The following XIRP2 variants were observed in gnomAD, a reference collection of about 807,000 sequenced individuals.
XIRP2 encodes the protein xin actin binding repeat containing 2.
In XIRP2, 236 loss-of-function variants were observed where a neutral mutation model predicts 277.0. The observed-to-expected ratio is 0.85, with a 90% CI of 0.77 to 0.95. The LOEUF (loss-of-function observed/expected upper bound fraction) is 0.95, where lower values mean the gene tolerates loss of function less well. XIRP2 is among the 40% of genes least tolerant of loss of function. The probability of loss-of-function intolerance (pLI) is 0.00; values close to 1 mark genes in which losing one functional copy is unlikely to be tolerated. For missense variants in XIRP2, 4,640 were observed against 4,157.5 expected (o/e 1.12, Z -3.19); for synonymous variants, 1,490 against 1,416.5 (o/e 1.05, Z -1.17).
At chr2:167,142,195 G>A (rs550676422) in intron 3 of XIRP2, among the ~76,000 whole-genome samples, 25 of 152,258 alleles carry the variant, frequency 1.6e-4, no homozygotes, top group African/African-American at 5.8e-4. Flanking sequence ...AGGTAGAACC[G>A]CAGGGCTGAC....
chr2:166,973,697 AATTT>A (rs2105423064), intron 2 of XIRP2, among the ~76,000 whole-genome samples: 1 of 152,332 alleles, frequency 6.6e-6, no homozygotes, highest in East Asian at 1.9e-4. Context: ...ACTGAATTAG[AATTT>A]GCATTCTAGT....
intron 2 of XIRP2, among the ~76,000 whole-genome samples, chr2:166,941,422 G>A (rs966571698): frequency 1.3e-5 from 2 of 152,178 alleles, no homozygotes; most frequent in Admixed American, 1.3e-4. Flanking sequence ...CCCTGCTTTG[G>A]CTCACGCTCA....
At chr2:167,183,848 T>C (rs1177629945) in intron 3 of XIRP2, among the ~76,000 whole-genome samples, 2 of 152,156 alleles carry the variant, frequency 1.3e-5, no homozygotes, top group Non-Finnish European at 2.9e-5. Flanking sequence ...AAGCTGCAGA[T>C]TGTGACCTTC....
intron 2 of XIRP2, among the ~76,000 whole-genome samples, chr2:166,957,085 A>C (rs1384154534): frequency 6.6e-6 from 1 of 151,764 alleles, no homozygotes; most frequent in Non-Finnish European, 1.5e-5. Flanking sequence ...TATCAAAGGT[A>C]GTTGTTATTG....
At chr2:166,943,222 T>C (rs1685767202) in intron 2 of XIRP2, among the ~76,000 whole-genome samples, 1 of 152,106 alleles carries the variant, frequency 6.6e-6, no homozygotes, top group Admixed American at 6.5e-5. Flanking sequence ...ATAGAAATAT[T>C]TGTACCTTTT....
At chr2:167,027,493 T>C (rs549973752) in intron 2 of XIRP2, among the ~76,000 whole-genome samples, 2 of 152,282 alleles carry the variant, frequency 1.3e-5, no homozygotes, top group South Asian at 2.1e-4. Flanking sequence ...TCTGAAGCCT[T>C]CTTCTCTCAA....
Position 167,257,978 on chromosome 2 carries a change from A to T in XIRP2, c.*161A>T. ...ACATAAGCAGCATAAAGATAGATGG[A>T]ACTGCAAAAACCAAAGCAGATCAGT... On this transcript the variant is annotated 3_prime_UTR_variant, in exon 11 of 11. Transcript: ENST00000409195. The T allele has an allele frequency of 6.2e-7, 1 of 1,613,166 alleles. No individual in the cohort carries two copies. The highest frequency in any genetic ancestry group is 8.5e-7 in the Non-Finnish European group (1 of 1,179,454).
intron 2 of XIRP2, among the ~76,000 whole-genome samples, chr2:166,962,079 A>G (rs981534949): frequency 4.0e-5 from 6 of 151,734 alleles, no homozygotes; most frequent in African/African-American, 1.4e-4. Flanking sequence ...CCATTTCTCA[A>G]TGAAGATGGT....
chr2:167,068,843 AT>A (rs201740886), intron 2 of XIRP2, among the ~76,000 whole-genome samples: 9 of 151,358 alleles, frequency 5.9e-5, no homozygotes, highest in Middle Eastern at 3.4e-3. Flanking sequence ...GTGTCTTGCA[AT>A]TTTTTTTTAG....
intron 2 of XIRP2, among the ~76,000 whole-genome samples, chr2:167,074,622 G>A (rs901638891): frequency 7.0e-6 from 1 of 142,482 alleles, no homozygotes; most frequent in Non-Finnish European, 1.5e-5. Flanking sequence ...GTGTGTGTGT[G>A]CATGTGTGTG....
At chr2:167,073,088 C>G (rs911794200) in intron 2 of XIRP2, among the ~76,000 whole-genome samples, 1 of 152,012 alleles carries the variant, frequency 6.6e-6, no homozygotes, top group African/African-American at 2.4e-5. Flanking sequence ...GAATTAAAGG[C>G]TGTTACAACA....
intron 3 of XIRP2, among the ~76,000 whole-genome samples, chr2:167,146,192 T>A (rs555000368): frequency 6.6e-6 from 1 of 152,218 alleles, no homozygotes; most frequent in African/African-American, 2.4e-5. Context: ...ATCTAGAAGA[T>A]AAATTCAAAG....
chr2:167,165,426 C>A (rs1214875872), intron 3 of XIRP2, among the ~76,000 whole-genome samples: 3 of 152,136 alleles, frequency 2.0e-5, no homozygotes, highest in Admixed American at 6.6e-5. Flanking sequence ...CACTAAGCAG[C>A]CTTCCAAAGT....
chr2:166,938,600 G>A (rs926755655), intron 2 of XIRP2, among the ~76,000 whole-genome samples: 2 of 152,210 alleles, frequency 1.3e-5, no homozygotes, highest in African/African-American at 4.8e-5. Flanking sequence ...TTCTGTAGAT[G>A]TCTATTAGGT....
At chr2:166,969,797 G>T (rs558278270) in intron 2 of XIRP2, among the ~76,000 whole-genome samples, 1 of 151,898 alleles carries the variant, frequency 6.6e-6, no homozygotes, top group South Asian at 2.1e-4. Flanking sequence ...CAAATGAAGG[G>T]AACAAATGTT....
At chr2:167,116,796 G>A (rs577966028) in intron 2 of XIRP2, among the ~76,000 whole-genome samples, 1 of 152,294 alleles carries the variant, frequency 6.6e-6, no homozygotes, top group East Asian at 1.9e-4. Flanking sequence ...CTCCCAGAGG[G>A]AGTACAATTT....
chr2:167,048,875 T>A (rs2105531288), intron 2 of XIRP2, among the ~76,000 whole-genome samples: 1 of 152,122 alleles, frequency 6.6e-6, no homozygotes, highest in Non-Finnish European at 1.5e-5. Context: ...CATTTCTGTT[T>A]ATCTTCTTTT....
rs550529718 is a variant in XIRP2 at position 166,975,930 on chromosome 2, C to CAAAAA, written c.408+72067_408+72071dup. On this transcript the variant is annotated intron_variant, in intron 2 of 10. Coordinates refer to ENST00000409195, the MANE Select transcript of XIRP2 (RefSeq NM_152381.6). ...TGGGTGACAGAGCGAGACTCCGTCT[C>CAAAAA]AAAAAAAAAAAAAAAAAAAAAAAAA... is the stretch of plus-strand genomic sequence containing the variant. Among the ~76,000 whole-genome samples, 87 of 45,718 alleles carry CAAAAA rather than the reference C, an allele frequency of 1.9e-3. 6 individuals carry two copies. Among genetic ancestry groups the CAAAAA allele is most frequent in the African/African-American group, 5.2e-3 (67 of 12,770 alleles). The allele number at this position is 45,718 out of a possible 152,430, so 30.0% of individuals were successfully genotyped here. A position where few individuals can be genotyped will look rare whatever the true frequency, so the allele number is the denominator to read the frequency against.
intron 3 of XIRP2, chr2:167,184,677 G>A: frequency 1.4e-6 from 1 of 708,866 alleles, no homozygotes; most frequent in Non-Finnish European, 2.6e-6. Flanking sequence ...TACTGCTTCT[G>A]GGTCTCATTG....
Sources: gnomAD v4.1 joint callset for allele counts (sites outside exome capture counted in the v4.1 genomes callset) on GRCh38, gnomAD v4.1.1 for gene constraint, MANE v1.5 for transcripts, NCBI Gene and HGNC (gene_info 2026-07-23, HGNC 2026-07-21) for gene names.